The following CALCRL variants were observed in gnomAD, a reference collection of about 807,000 sequenced individuals.
CALCRL encodes calcitonin gene-related peptide type 1 receptor.
CALCRL carries 27 observed loss-of-function variants against 60.4 expected under a neutral mutation model. The ratio of observed to expected loss-of-function variants is 0.45; its 90% CI spans 0.33 to 0.62. The LOEUF is 0.62. Ranked by LOEUF, CALCRL falls within the 20% of genes least tolerant of loss-of-function variation. CALCRL has a pLI of 0.03. For synonymous variants in CALCRL, 190 were observed against 182.6 expected (o/e 1.04, Z -0.33); for missense variants, 424 against 540.7 (o/e 0.78, Z 2.14).
At chr2:187,352,527 T>C (rs1471957781) in intron 12 of CALCRL, among the ~76,000 whole-genome samples, 195 bp from the exon 13 acceptor site, 1 of 151,852 alleles carries the variant, frequency 6.6e-6, no homozygotes, top group Non-Finnish European at 1.5e-5. Flanking sequence ...ACATCAATTT[T>C]AATAAACAAG....
chr2:187,357,569 A>G (rs1309426976), intron 12 of CALCRL, among the ~76,000 whole-genome samples: 1 of 147,218 alleles, frequency 6.8e-6, no homozygotes, highest in Non-Finnish European at 1.5e-5. Flanking sequence ...CTTAAAACCC[A>G]AATGACAGTC....
chr2:187,436,724 G>A (rs1280091484), intron 1 of CALCRL: 3 of 152,114 alleles, frequency 2.0e-5, no homozygotes, highest in Non-Finnish European at 2.9e-5. Context: ...TGGCCATGTA[G>A]GCCAAAGCAT....
intron 14 of CALCRL, among the ~76,000 whole-genome samples, chr2:187,350,707 T>C (rs1445385342): frequency 6.6e-6 from 1 of 151,758 alleles, no homozygotes; most frequent in African/African-American, 2.4e-5. Flanking sequence ...TAACATGTTA[T>C]AGTTTTTCAT....
intron 4 of CALCRL, among the ~76,000 whole-genome samples, chr2:187,384,435 C>A (rs1179168047): frequency 6.6e-6 from 1 of 152,148 alleles, no homozygotes; most frequent in African/African-American, 2.4e-5. Flanking sequence ...TACATGAGTT[C>A]AAGAGGAAGA....
At chr2:187,360,574 A>G in intron 10 of CALCRL, 24 bp downstream of exon 10, 1 of 1,580,600 alleles carries the variant, frequency 6.3e-7, no homozygotes, top group Non-Finnish European at 8.6e-7. Context: ...CACTGAATCA[A>G]CAAGTATGTA....
At chr2:187,373,747 C>G (rs757718093) in intron 8 of CALCRL, among the ~76,000 whole-genome samples, 1 of 152,142 alleles carries the variant, frequency 6.6e-6, no homozygotes, top group African/African-American at 2.4e-5. Context: ...GATGTAGATA[C>G]TAATATGATC....
intron 10 of CALCRL, among the ~76,000 whole-genome samples, chr2:187,360,261 A>G (rs1411019297): frequency 6.6e-6 from 1 of 152,092 alleles, no homozygotes; most frequent in African/African-American, 2.4e-5. Flanking sequence ...CGTGGCAAAA[A>G]TGAATATTCA....
chr2:187,378,059 AAGAAGG>A (rs1224430529), intron 8 of CALCRL, among the ~76,000 whole-genome samples: 2 of 151,646 alleles, frequency 1.3e-5, no homozygotes, highest in South Asian at 2.1e-4. Context: ...GAAGAACAAG[AAGAAGG>A]AGAAGGAGAA....
chr2:187,433,398 A>T (rs1690488085), intron 1 of CALCRL, among the ~76,000 whole-genome samples: 1 of 152,058 alleles, frequency 6.6e-6, no homozygotes. Context: ...TGGTTAATAA[A>T]CATGTTGCAT....
chr2:187,363,295 A>T, intron 9 of CALCRL, 81 bp downstream of exon 9: 4 of 1,312,152 alleles, frequency 3.0e-6, no homozygotes, highest in Non-Finnish European at 4.2e-6. Context: ...GTACTTAATT[A>T]TACACATTAT....
chr2:187,387,794 TAATG>T (rs1688268828), intron 1 of CALCRL, 38 bp from the exon 2 acceptor site: 1 of 393,050 alleles, frequency 2.5e-6, no homozygotes, highest in Admixed American at 4.4e-5. Context: ...AATATTATGC[TAATG>T]ACCAAAATTA....
At position 187,378,986 on chromosome 2, in the gene CALCRL, A is replaced by ACAAT; in HGVS notation, c.450_453dup (p.Ser152IlefsTer37). 6.2e-7 allele frequency: 1 copy of ACAAT among 1,608,640 alleles called. No homozygotes were observed. Among genetic ancestry groups the ACAAT allele is most frequent in the Non-Finnish European group, 8.5e-7 (1 of 1,176,454 alleles). On this transcript the variant is annotated frameshift_variant, in exon 8 of 15. Transcript: ENST00000392370. LOFTEE classifies it high-confidence loss of function. ...AGCGAGATAAGCAGTGATGCAATAG[A>ACAAT]CAATCCGTGTCCAATTATGGTCAGG... is the stretch of plus-strand genomic sequence containing the variant.
intron 1 of CALCRL, among the ~76,000 whole-genome samples, chr2:187,441,646 C>A (rs1220684473): frequency 2.6e-5 from 4 of 151,976 alleles, no homozygotes; most frequent in Non-Finnish European, 5.9e-5. Flanking sequence ...TATAAATATT[C>A]TTTGACAGAA....
intron 1 of CALCRL, among the ~76,000 whole-genome samples, chr2:187,429,532 A>G (rs1690307770): frequency 6.6e-6 from 1 of 152,208 alleles, no homozygotes; most frequent in South Asian, 2.1e-4. Flanking sequence ...CCCTCTCCTA[A>G]GTGTCTGTTC....
chr2:187,361,686 C>T (rs753591597), intron 9 of CALCRL, among the ~76,000 whole-genome samples: 9 of 151,750 alleles, frequency 5.9e-5, no homozygotes, highest in South Asian at 2.1e-4. Flanking sequence ...TAATTCTTAA[C>T]GGTAGTCCTA....
At chr2:187,362,445 T>C (rs1163169167) in intron 9 of CALCRL, among the ~76,000 whole-genome samples, 1 of 151,998 alleles carries the variant, frequency 6.6e-6, no homozygotes, top group Non-Finnish European at 1.5e-5. Context: ...ACTTTTAGAA[T>C]TTTGAAAATT....
intron 1 of CALCRL, among the ~76,000 whole-genome samples, chr2:187,422,041 A>T (rs1689896744): frequency 6.6e-6 from 1 of 152,204 alleles, no homozygotes; most frequent in Non-Finnish European, 1.5e-5. Context: ...AGGAAAGTAG[A>T]CATTGTCAGG....
intron 1 of CALCRL, among the ~76,000 whole-genome samples, chr2:187,401,125 G>A (rs950434180): frequency 6.6e-6 from 1 of 151,540 alleles, no homozygotes; most frequent in African/African-American, 2.4e-5. Context: ...ATATTGAATT[G>A]TACACTTTAA....
In CALCRL at chr2:187,418,192, G is replaced by A. The variant is rs1158634724; in HGVS notation, c.-293+29847C>T. Among the ~76,000 whole-genome samples the A allele has an allele frequency of 3.3e-5, 5 of 151,972 alleles. No homozygotes were observed. The East Asian group carries it at 7.7e-4, about 23-fold the overall frequency. ...TGTGGAATTATCCATGCTAATCCTG[G>A]AATTCTGGTCATTAAAAGAAAAAAA... On this transcript the variant is annotated intron_variant, in intron 1 of 14. Coordinates refer to ENST00000392370, the MANE Select transcript of CALCRL (RefSeq NM_005795.6).
Sources: gnomAD v4.1 joint callset for allele counts (sites outside exome capture counted in the v4.1 genomes callset) on GRCh38, gnomAD v4.1.1 for gene constraint, MANE v1.5 for transcripts, NCBI Gene and HGNC (gene_info 2026-07-23, HGNC 2026-07-21) for gene names.